SCN3A: variants seen among roughly 807,000 people sequenced by gnomAD.
SCN3A encodes sodium voltage-gated channel alpha subunit 3.
A neutral mutation model predicts 187.6 loss-of-function variants in SCN3A; 60 were observed. The ratio of observed to expected loss-of-function variants is 0.32; its 90% CI spans 0.26 to 0.40. The LOEUF (loss-of-function observed/expected upper bound fraction) is 0.40. Among genes scored for constraint, SCN3A ranks in the 10% least tolerant of loss-of-function variants. The pLI is 1.00. For synonymous variants in SCN3A, 788 were observed against 829.2 expected (o/e 0.95, Z 0.85); for missense variants, 1,601 against 2,428.2 (o/e 0.66, Z 7.16).
chr2:165,167,234 T>G (rs1197684441), intron 5 of SCN3A, among the ~76,000 whole-genome samples: 1 of 152,234 alleles, frequency 6.6e-6, no homozygotes, highest in Non-Finnish European at 1.5e-5. Context: ...TACAGAGTAG[T>G]CTTACATAGG....
rs756759051 is a variant in SCN3A at position 165,090,133 on chromosome 2, T to C, written c.*17A>G. 1 of 1,558,892 alleles carries C rather than the reference T, an allele frequency of 6.4e-7. No homozygotes were observed. The highest frequency in any genetic ancestry group is 8.7e-7 in the Non-Finnish European group (1 of 1,148,424). On this transcript the variant is annotated 3_prime_UTR_variant, in exon 28 of 28. Coordinates refer to ENST00000283254, the MANE Select transcript of SCN3A (RefSeq NM_006922.4). This position sits in a 1 kb window ranked among gnomAD's most constrained non-coding sequence, Gnocchi z 4.0. ...GGCTGTAAACAATTGATCACAAAGA[T>C]AATTCTTTGTTTCTTTTTACTTTTG...
chr2:165,091,904 T>C (rs1574090830), intron 27 of SCN3A: 1 of 355,592 alleles, frequency 2.8e-6, no homozygotes, highest in Middle Eastern at 9.4e-4. Context: ...CTACTTCCTC[T>C]TCAGTGCTTC....
chr2:165,096,505 A>G lies in SCN3A; in HGVS notation c.4255T>C (p.Trp1419Arg). The change falls in exon 24 of 28, where the codon TGG (tryptophan) becomes CGG (arginine). Residue 1419 changes from tryptophan (W) to arginine (R), a missense_variant. Coordinates refer to ENST00000283254, the MANE Select transcript of SCN3A (RefSeq NM_006922.4). Reference sequence around the variant, plus strand: ...ACAGCTGCATACATAATATCCATCCAGCCTTTAAATGTGGCCTGTAAATAA... The same window carrying G: ...ACAGCTGCATACATAATATCCATCCGGCCTTTAAATGTGGCCTGTAAATAA... ...ALLQVATFKG[W>R]MDIMYAAVDS... 1 of 1,611,606 alleles carries G rather than the reference A, an allele frequency of 6.2e-7. No homozygotes were observed. Among genetic ancestry groups the G allele is most frequent in the Non-Finnish European group, 8.5e-7 (1 of 1,177,968 alleles).
intron 10 of SCN3A, 43 bp downstream of exon 10, chr2:165,155,719 T>G: frequency 6.2e-7 from 1 of 1,610,626 alleles, no homozygotes. Flanking sequence ...ATTTCATACA[T>G]GTCTATAAAA....
chr2:165,114,078 G>T, intron 19 of SCN3A, 108 bp from the exon 20 acceptor site: 1 of 644,562 alleles, frequency 1.6e-6, no homozygotes, highest in Non-Finnish European at 2.6e-6. Flanking sequence ...ATTTCATAGG[G>T]TAACCATCTC....
At chr2:165,191,200 T>G (rs1485248701) in intron 1 of SCN3A, among the ~76,000 whole-genome samples, 1 of 152,032 alleles carries the variant, frequency 6.6e-6, no homozygotes, top group Non-Finnish European at 1.5e-5. Flanking sequence ...GTAATTTCGC[T>G]GCACCTGGAA....
chr2:165,153,986 C>CTTTTTTTTTTTT (rs1559237785), intron 11 of SCN3A, among the ~76,000 whole-genome samples: 10 of 39,160 alleles, frequency 2.6e-4, no homozygotes, highest in African/African-American at 4.0e-4. Context: ...CTATAGCAAA[C>CTTTTTTTTTTTT]ATTTTTTTTT....
intron 9 of SCN3A, among the ~76,000 whole-genome samples, chr2:165,160,516 A>G (rs1049292641): frequency 4.6e-5 from 7 of 152,202 alleles, no homozygotes; most frequent in African/African-American, 1.4e-4. Flanking sequence ...GGAATAAAGT[A>G]TGTATTAACC....
rs137895220 is a variant in SCN3A at position 165,138,801 on chromosome 2, G to C, written c.2152+675C>G. Reference sequence around the variant, plus strand: ...TAAAATGTAATTGATGTTTTCTAAAGAACATATGTTAGAATTGACATATAA... The same window carrying C: ...TAAAATGTAATTGATGTTTTCTAAACAACATATGTTAGAATTGACATATAA... On this transcript the variant is annotated intron_variant, in intron 14 of 27. Transcript: ENST00000283254. 3.6e-3 allele frequency among the ~76,000 whole-genome samples: 551 copies of C among 152,196 alleles called. 4 individuals carry two copies. The highest frequency in any genetic ancestry group is 0.013 in the African/African-American group (524 of 41,536).
At chr2:165,199,981 CA>C (rs1254416364) in intron 1 of SCN3A, among the ~76,000 whole-genome samples, 3 of 151,982 alleles carry the variant, frequency 2.0e-5, no homozygotes, top group Non-Finnish European at 4.4e-5. Flanking sequence ...CAATATAAAG[CA>C]AGAATATGAT....
At chr2:165,122,277 T>C (rs1559201835) in intron 18 of SCN3A, among the ~76,000 whole-genome samples, 1 of 135,862 alleles carries the variant, frequency 7.4e-6, no homozygotes. Flanking sequence ...CCCCAAAACA[T>C]GAAAGCAAAC....
At position 165,140,710 on chromosome 2, in the gene SCN3A, C is replaced by G. The variant is rs757158442; in HGVS notation, c.1960G>C (p.Val654Leu). Reference protein sequence around the residue: ...MHSTVDCNGVVSLVGGPSALT... With the variant: ...MHSTVDCNGVLSLVGGPSALT... Reference sequence around the variant, plus strand: ...GCTGAAGGTCCACCCACCAAGGAAACCACACCATTGCAATCCACAGTGCTG... The same window carrying G: ...GCTGAAGGTCCACCCACCAAGGAAAGCACACCATTGCAATCCACAGTGCTG... The change falls in exon 13 of 28, where the codon GTT becomes CTT. Residue 654 changes from valine (V) to leucine (L), a missense_variant. By Grantham distance (32) the Val-to-Leu change is conservative. This residue lies in a region of SCN3A where 376 missense variants were observed against 476.0 expected (regional missense o/e 0.79). Transcript: ENST00000283254. This position sits in a 1 kb window ranked among gnomAD's most constrained non-coding sequence, Gnocchi z 4.2. 1 of 1,614,044 alleles carries G rather than the reference C, an allele frequency of 6.2e-7. No individual in the cohort carries two copies. Among genetic ancestry groups the G allele is most frequent in the Non-Finnish European group, 8.5e-7 (1 of 1,179,988 alleles).
intron 23 of SCN3A, among the ~76,000 whole-genome samples, chr2:165,096,866 G>T (rs994766235): frequency 1.3e-5 from 2 of 151,962 alleles, no homozygotes; most frequent in African/African-American, 4.8e-5. Context: ...CTTAGACATT[G>T]TTATAATAAA....
intron 1 of SCN3A, among the ~76,000 whole-genome samples, chr2:165,187,590 C>T (rs1467860017): frequency 6.6e-6 from 1 of 152,168 alleles, no homozygotes; most frequent in African/African-American, 2.4e-5. Context: ...ATGGTCTATA[C>T]AATCTTTGTC....
chr2:165,132,542 A>T (rs1487884621), intron 15 of SCN3A, among the ~76,000 whole-genome samples: 1 of 152,234 alleles, frequency 6.6e-6, no homozygotes, highest in Non-Finnish European at 1.5e-5. Context: ...AGGATTCCCT[A>T]TTTAATAAAT....
chr2:165,166,901 C>T (rs1011075757), intron 5 of SCN3A, among the ~76,000 whole-genome samples: 6 of 148,166 alleles, frequency 4.0e-5, no homozygotes, highest in Middle Eastern at 3.2e-3. Context: ...TATTCAATTG[C>T]CTTTTTTTTT....
chr2:165,133,445 C>T (rs888829456), intron 15 of SCN3A, among the ~76,000 whole-genome samples: 1 of 152,002 alleles, frequency 6.6e-6, no homozygotes, highest in African/African-American at 2.4e-5. Context: ...TCAAGTGATT[C>T]TCCAGTCTCA....
Position 165,090,008 on chromosome 2 carries a change from C to G in SCN3A, c.*142G>C. 1 of 1,165,274 alleles carries G rather than the reference C, an allele frequency of 8.6e-7. No homozygotes were observed. Among genetic ancestry groups the G allele is most frequent in the East Asian group, 2.6e-5 (1 of 39,016 alleles). The allele number at this position is 1,165,274 out of a possible 1,614,324, so 72.2% of individuals were successfully genotyped here. A position where few individuals can be genotyped will look rare whatever the true frequency, so the allele number is the denominator to read the frequency against. ...TTGCAGTGACAGAGAGGTCACTTCA[C>G]TGTCTTGTATAGGCACTGACTATGA... On this transcript the variant is annotated 3_prime_UTR_variant, in exon 28 of 28. Transcript: ENST00000283254. This position sits in a 1 kb window ranked among gnomAD's most constrained non-coding sequence, Gnocchi z 4.0.
chr2:165,091,451 G>T, intron 27 of SCN3A, 106 bp from the exon 28 acceptor site: 1 of 1,332,580 alleles, frequency 7.5e-7, no homozygotes, highest in Non-Finnish European at 1.1e-6. Flanking sequence ...ATGAATATGA[G>T]CCTTTATTAA....
Sources: allele counts gnomAD v4.1 joint callset (sites outside exome capture counted in the v4.1 genomes callset), GRCh38; gene constraint gnomAD v4.1.1; regional missense constraint gnomAD v4.1.1; non-coding constraint Gnocchi (gnomAD v3.1); transcripts MANE v1.5; gene names NCBI Gene and HGNC (gene_info 2026-07-23, HGNC 2026-07-21).